Variants in CCDC50 observed in about 807,000 individuals in gnomAD.
CCDC50 encodes coiled-coil domain containing 50.
In CCDC50, 54 loss-of-function variants were observed where a neutral mutation model predicts 70.2. The ratio of observed to expected loss-of-function variants is 0.77; its 90% CI spans 0.62 to 0.96. The LOEUF (loss-of-function observed/expected upper bound fraction) is 0.96. Ranked by LOEUF, CCDC50 falls within the 50% of genes least tolerant of loss-of-function variation. The pLI is 0.00. For synonymous variants in CCDC50, 216 were observed against 198.8 expected (o/e 1.09, Z -0.73); for missense variants, 558 against 578.7 (o/e 0.96, Z 0.37).
Position 191,329,451 on chromosome 3 carries a change from C to A in CCDC50, c.-224C>A. On this transcript the variant is annotated 5_prime_UTR_variant, in exon 1 of 12. Coordinates refer to ENST00000392455, the MANE Select transcript of CCDC50 (RefSeq NM_178335.3). ...GGGCCGGGGACGCGGAGCAGGTGGCCGCGGCGGGGCAGCTGGGCCGCCAGC... is the reference window on the plus strand; with the variant it reads ...GGGCCGGGGACGCGGAGCAGGTGGCAGCGGCGGGGCAGCTGGGCCGCCAGC... The A allele has an allele frequency of 2.2e-6, 1 of 463,974 alleles. No individual in the cohort carries two copies. The highest frequency in any genetic ancestry group is 4.1e-5 in the South Asian group (1 of 24,520). 28.7% of individuals were successfully genotyped at this position (463,974 alleles called of 1,614,324 possible). A position where few individuals can be genotyped will look rare whatever the true frequency, so the allele number is the denominator to read the frequency against.
intron 6 of CCDC50, among the ~76,000 whole-genome samples, chr3:191,378,033 C>T (rs1438831232): frequency 6.6e-6 from 1 of 152,022 alleles, no homozygotes; most frequent in African/African-American, 2.4e-5. Context: ...TTTTCTATAT[C>T]CTTACAAAAA....
intron 9 of CCDC50, among the ~76,000 whole-genome samples, chr3:191,381,524 G>C (rs1165685599): frequency 6.6e-6 from 1 of 152,122 alleles, no homozygotes; most frequent in Non-Finnish European, 1.5e-5. Context: ...TTTTGCTGCG[G>C]TAATTGTGAG....
intron 5 of CCDC50, among the ~76,000 whole-genome samples, chr3:191,371,113 C>T (rs510014): frequency 0.063 from 9,576 of 152,152 alleles, 417 homozygotes; most frequent in East Asian, 0.21. Flanking sequence ...CTGCTGATGA[C>T]AAACAATATT....
At chr3:191,361,615 G>A (rs1712490388) in intron 4 of CCDC50, among the ~76,000 whole-genome samples, 1 of 152,144 alleles carries the variant, frequency 6.6e-6, no homozygotes, top group Admixed American at 6.6e-5. Context: ...TTGTCACATG[G>A]CTTTATTCTC....
chr3:191,358,266 A>C (rs891114166), intron 3 of CCDC50, 142 bp downstream of exon 3: 6 of 1,131,680 alleles, frequency 5.3e-6, no homozygotes, highest in Non-Finnish European at 7.6e-6. Context: ...TGGATGTCTA[A>C]CAGTTTTTTT....
intron 1 of CCDC50, among the ~76,000 whole-genome samples, chr3:191,344,579 G>C (rs1265296501): frequency 6.6e-6 from 1 of 152,084 alleles, no homozygotes; most frequent in African/African-American, 2.4e-5. Context: ...CCTTTTGTTT[G>C]TTTGTTTGTT....
At chr3:191,385,185 G>A (rs1049761480) in intron 10 of CCDC50, among the ~76,000 whole-genome samples, 1 of 152,282 alleles carries the variant, frequency 6.6e-6, no homozygotes, top group Admixed American at 6.5e-5. Flanking sequence ...ACCCAGTAAT[G>A]GAATTGCCAG....
At chr3:191,359,923 A>T (rs905485581) in intron 3 of CCDC50, among the ~76,000 whole-genome samples, 1 of 152,210 alleles carries the variant, frequency 6.6e-6, no homozygotes, top group African/African-American at 2.4e-5. Context: ...TCAAATATAA[A>T]TCAGGAGTAG....
At chr3:191,330,794 A>G (rs1717954703) in intron 1 of CCDC50, among the ~76,000 whole-genome samples, 1 of 152,162 alleles carries the variant, frequency 6.6e-6, no homozygotes, top group Non-Finnish European at 1.5e-5. Context: ...ATCTCAGGAA[A>G]ATGAGGGACT....
intron 9 of CCDC50, among the ~76,000 whole-genome samples, chr3:191,382,242 G>A (rs1224443180): frequency 6.6e-6 from 1 of 152,112 alleles, no homozygotes; most frequent in Admixed American, 6.6e-5. Flanking sequence ...TTTATAACTG[G>A]TACTGATACA....
chr3:191,359,982 T>C (rs1020101032), intron 3 of CCDC50, among the ~76,000 whole-genome samples: 2 of 152,008 alleles, frequency 1.3e-5, no homozygotes, highest in Admixed American at 1.3e-4. Context: ...GGGTATTATA[T>C]TTCTGCCTGA....
intron 1 of CCDC50, among the ~76,000 whole-genome samples, chr3:191,356,007 A>T (rs550594118): frequency 3.9e-5 from 6 of 152,234 alleles, no homozygotes; most frequent in Non-Finnish European, 8.8e-5. Flanking sequence ...GTTTCAGTTA[A>T]GTGTCCTCAT....
Position 191,380,989 on chromosome 3 carries a change from A to C in CCDC50, c.1242+57A>C, listed in dbSNP as rs760146838. ...AAATAAAATTAGAAATGAAAAGGGG[A>C]CTCTGCTTTTGAGTTAAGCTCTGCA... On this transcript the variant is annotated intron_variant, in intron 9 of 11. Transcript: ENST00000392455. The C allele has an allele frequency of 2.7e-4, 367 of 1,381,388 alleles. 1 individual carries two copies. The highest frequency in any genetic ancestry group is 3.4e-4 in the Non-Finnish European group (341 of 989,956). The allele number at this position is 1,381,388 out of a possible 1,614,324, so 85.6% of individuals were successfully genotyped here.
At chr3:191,388,961 C>T (rs139184062) in intron 10 of CCDC50, among the ~76,000 whole-genome samples, 68 of 149,194 alleles carry the variant, frequency 4.6e-4, no homozygotes, top group African/African-American at 1.3e-3. Context: ...TAAAAAGTTG[C>T]GAATGTATTA....
chr3:191,366,994 A>G (rs1712716193), intron 4 of CCDC50, among the ~76,000 whole-genome samples: 1 of 152,102 alleles, frequency 6.6e-6, no homozygotes, highest in Non-Finnish European at 1.5e-5. Flanking sequence ...TTGCATAGTA[A>G]TGTTGGAAAG....
At chr3:191,379,335 G>A (rs548166906) in intron 6 of CCDC50, among the ~76,000 whole-genome samples, 47 of 152,082 alleles carry the variant, frequency 3.1e-4, no homozygotes, top group Non-Finnish European at 5.7e-4. Flanking sequence ...ACAATCAGGA[G>A]TACATTTTCT....
intron 7 of CCDC50, 43 bp downstream of exon 7, chr3:191,380,317 AT>A (rs760872468): frequency 9.3e-5 from 116 of 1,247,598 alleles, no homozygotes; most frequent in Non-Finnish European, 1.2e-4. Context: ...ATTGATGGGT[AT>A]TTTTTTTGTG....
At position 191,382,772 on chromosome 3, in the gene CCDC50, C is replaced by G. The variant is rs364519; in HGVS notation, c.1269C>G (p.Ser423=). Residue 423 remains serine, a synonymous_variant, in exon 10 of 12, where the codon TCC becomes TCG. Coordinates refer to ENST00000392455, the MANE Select transcript of CCDC50 (RefSeq NM_178335.3). ...CAAAAACAGCTAAAGCAGCAAATTC[C>G]AAGTCAAAAGAGAGTGATGAACCTC... ...WKPKTAKAAN[S]KSKESDEPHH... is the part of the protein sequence containing the mutation. The G allele has an allele frequency of 6.2e-7, 1 of 1,612,248 alleles. No homozygotes were observed. The highest frequency in any genetic ancestry group is 1.3e-5 in the African/African-American group (1 of 74,904).
intron 11 of CCDC50, 65 bp downstream of exon 11, chr3:191,389,667 G>C: frequency 8.1e-7 from 1 of 1,236,638 alleles, no homozygotes; most frequent in Non-Finnish European, 1.2e-6. Context: ...GTGTTGTAGT[G>C]GAAAAATCAA....
Sources: allele counts gnomAD v4.1 joint callset (sites outside exome capture counted in the v4.1 genomes callset), GRCh38; gene constraint gnomAD v4.1.1; transcripts MANE v1.5; gene names NCBI Gene and HGNC (gene_info 2026-07-23, HGNC 2026-07-21).